Variants in CHD2 observed in about 807,000 individuals in gnomAD.
CHD2 encodes the protein ATP-dependent chromatin remodeler CHD2.
Under a neutral mutation model 243.9 loss-of-function variants are expected in CHD2, and 28 were observed. The ratio of observed to expected loss-of-function variants is 0.11; its 90% CI spans 0.09 to 0.16. The LOEUF (loss-of-function observed/expected upper bound fraction) is 0.16, where lower values mean the gene tolerates loss of function less well. Among genes scored for constraint, CHD2 ranks in the 10% least tolerant of loss-of-function variants. The pLI is 1.00. For synonymous variants in CHD2, 775 were observed against 779.0 expected, an observed-to-expected ratio of 0.99 and a Z score of 0.09; for missense variants, 1,386 against 2,209.8, an observed-to-expected ratio of 0.63 and a Z score of 7.47.
In CHD2 at chr15:93,026,406, C is replaced by G. The variant is rs916979429; in HGVS notation, c.*1701C>G. ...AAGCAGATGTGGCTGTGGTGTGACC[C>G]TTGCTCCCTGCTACACAGAGCATCG... On this transcript the variant is annotated 3_prime_UTR_variant, in exon 39 of 39. Transcript: ENST00000394196. The G allele has an allele frequency of 1.3e-5, 2 of 152,428 alleles. No individual in the cohort carries two copies. Among genetic ancestry groups the G allele is most frequent in the African/African-American group, 4.8e-5 (2 of 41,466 alleles). 9.4% of individuals were successfully genotyped at this position (152,428 alleles called of 1,614,324 possible). A position where few individuals can be genotyped will look rare whatever the true frequency, so the allele number is the denominator to read the frequency against.
intron 7 of CHD2, among the ~76,000 whole-genome samples, chr15:92,940,984 TATATATATAA>T (rs1415568932): frequency 0.013 from 1,631 of 125,134 alleles, 37 homozygotes; most frequent in African/African-American, 0.046. Context: ...TAAATATAAA[TATATATATAA>T]ATATATATAT....
Position 92,998,064 on chromosome 15 carries a change from G to T in CHD2, c.3886-435G>T. 2.2e-6 allele frequency: 1 copy of T among 453,932 alleles called. No homozygotes were observed. Among genetic ancestry groups the T allele is most frequent in the Non-Finnish European group, 2.9e-6 (1 of 341,104 alleles). The allele number at this position is 453,932 out of a possible 1,614,324, so 28.1% of individuals were successfully genotyped here. ...CAAGAGACCCAGTTGTTGTAGCAAG[G>T]AACAGATCATGTCCTGGCGTAGCTC... On this transcript the variant is annotated intron_variant, in intron 30 of 38. Coordinates refer to ENST00000394196, the MANE Select transcript of CHD2 (RefSeq NM_001271.4). The surrounding 1 kb of genome is among the most constrained non-coding windows in gnomAD (Gnocchi z 5.1).
At chr15:92,993,501 G>A (rs1377740999) in intron 28 of CHD2, among the ~76,000 whole-genome samples, 3 of 152,146 alleles carry the variant, frequency 2.0e-5, no homozygotes, top group Non-Finnish European at 2.9e-5. Context: ...TCATTGGATT[G>A]GACATGCAGT....
chr15:92,957,281 G>A (rs1471111449), intron 16 of CHD2, among the ~76,000 whole-genome samples: 1 of 152,104 alleles, frequency 6.6e-6, no homozygotes, highest in Non-Finnish European at 1.5e-5. Flanking sequence ...CTATCTTTCT[G>A]TCCCTTAAAC....
intron 16 of CHD2, among the ~76,000 whole-genome samples, chr15:92,964,842 G>A (rs1316342049): frequency 6.6e-6 from 1 of 152,196 alleles, no homozygotes; most frequent in Non-Finnish European, 1.5e-5. Flanking sequence ...AAACAAGTCA[G>A]TTTGATAGCA....
chr15:93,011,255 C>G (rs530993573), intron 35 of CHD2, among the ~76,000 whole-genome samples: 2 of 152,112 alleles, frequency 1.3e-5, no homozygotes, highest in South Asian at 4.1e-4. Context: ...AGAAACTGTT[C>G]GTCATGAGGC....
intron 13 of CHD2, among the ~76,000 whole-genome samples, chr15:92,951,324 C>A (rs568279109): frequency 6.6e-6 from 1 of 152,226 alleles, no homozygotes; most frequent in African/African-American, 2.4e-5. Context: ...GCACGCACCA[C>A]CATGCCTGGC....
chr15:92,958,575 T>C (rs2053645327), intron 16 of CHD2, among the ~76,000 whole-genome samples: 1 of 152,196 alleles, frequency 6.6e-6, no homozygotes, highest in Admixed American at 6.5e-5. Context: ...AAAATTGGAT[T>C]GTTTGTCTTA....
intron 2 of CHD2, chr15:92,904,445 T>C (rs1476657489): frequency 3.0e-6 from 3 of 988,394 alleles, no homozygotes; most frequent in Non-Finnish European, 3.6e-6. Flanking sequence ...CGCGTGCGCA[T>C]GTCGGGCGCT....
chr15:92,912,997 A>G (rs534019557), intron 2 of CHD2, among the ~76,000 whole-genome samples: 1 of 152,382 alleles, frequency 6.6e-6, no homozygotes, highest in African/African-American at 2.4e-5. Flanking sequence ...TGCTTAAAAA[A>G]AAGTCTGTTC....
chr15:92,999,698 A>T (rs78368152), intron 31 of CHD2, among the ~76,000 whole-genome samples: 2,110 of 152,160 alleles, frequency 0.014, 44 homozygotes, highest in African/African-American at 0.045. Context: ...TTCATATAAT[A>T]TGTTGAGTAT....
intron 16 of CHD2, among the ~76,000 whole-genome samples, chr15:92,962,502 G>C (rs2053703885): frequency 6.6e-6 from 1 of 151,906 alleles, no homozygotes; most frequent in South Asian, 2.1e-4. Flanking sequence ...TTATAATTCG[G>C]TTTTGTCTTA....
chr15:93,023,894 T>C (rs1442520601), intron 38 of CHD2, among the ~76,000 whole-genome samples: 1 of 142,592 alleles, frequency 7.0e-6, no homozygotes, highest in East Asian at 1.9e-4. Context: ...ATTCTTTTTT[T>C]AATGGTATCA....
chr15:92,921,459 T>A (rs1340917319), intron 2 of CHD2: 1 of 152,220 alleles, frequency 6.6e-6, no homozygotes, highest in Non-Finnish European at 1.5e-5. Context: ...AGTTTCCAGG[T>A]ACTGCCTTGC....
intron 26 of CHD2, among the ~76,000 whole-genome samples, chr15:92,987,143 T>C (rs1434300460): frequency 1.3e-5 from 2 of 152,226 alleles, no homozygotes; most frequent in African/African-American, 2.4e-5. Context: ...TTTTGGACTC[T>C]TATTAATTGT....
Position 92,974,911 on chromosome 15 carries a change from A to T in CHD2, c.2538A>T (p.Arg846=). 6.2e-7 allele frequency: 1 copy of T among 1,613,846 alleles called. No homozygotes were observed. The highest frequency in any genetic ancestry group is 8.5e-7 in the Non-Finnish European group (1 of 1,179,742). ...ATGGTTCCATCAAGGGAGAAATCCG[A>T]AAACAGGCACTGGACCACTTCAATG... ...RLDGSIKGEI[R]KQALDHFNAD... Residue 846 remains arginine (R), a synonymous_variant, in exon 20 of 39, where the codon CGA becomes CGT. Transcript: ENST00000394196.
rs142689057 is a variant in CHD2, at chr15:92,944,231, AGT to A, written c.1053-181_1053-180del. On this transcript the variant is annotated intron_variant, in intron 9 of 38. Coordinates refer to ENST00000394196, the MANE Select transcript of CHD2 (RefSeq NM_001271.4). ...TGTAAGGTTTTCAGTGTTCTCTAAA[AGT>A]GTTTTTTTTGTTTGTTTGTTTTGTT... 4.4e-3 allele frequency: 1,987 copies of A among 450,344 alleles called. 24 individuals are homozygous for A. Among genetic ancestry groups the A allele is most frequent in the African/African-American group, 0.026 (1,323 of 51,448 alleles). The allele number at this position is 450,344 out of a possible 1,614,324, so 27.9% of individuals were successfully genotyped here.
chr15:92,948,064 A>C (rs2053498386), intron 12 of CHD2, among the ~76,000 whole-genome samples: 1 of 152,150 alleles, frequency 6.6e-6, no homozygotes, highest in Non-Finnish European at 1.5e-5. Flanking sequence ...TTGTTTCCTA[A>C]ACTGATTTGG....
At chr15:93,006,112 GTCTC>G (rs1470318333) in intron 34 of CHD2, among the ~76,000 whole-genome samples, 30 of 146,412 alleles carry the variant, frequency 2.0e-4, no homozygotes, top group Admixed American at 1.8e-3. Flanking sequence ...TGCTTTTTCT[GTCTC>G]TCTCTCTCTT....
Sources: gnomAD v4.1 joint callset for allele counts (sites outside exome capture counted in the v4.1 genomes callset) on GRCh38, gnomAD v4.1.1 for gene constraint, Gnocchi (gnomAD v3.1) non-coding constraint, MANE v1.5 for transcripts, NCBI Gene and HGNC (gene_info 2026-07-23, HGNC 2026-07-21) for gene names.